Variants in PID1 observed in about 807,000 individuals in gnomAD.
PID1 encodes the protein PTB-containing, cubilin and LRP1-interacting protein.
Under a neutral mutation model 19.1 loss-of-function variants are expected in PID1, and 10 were observed. The observed-to-expected ratio is 0.52, with a 90% CI of 0.32 to 0.89. PID1 has a LOEUF of 0.89. Ranked by LOEUF, PID1 falls within the 40% of genes least tolerant of loss-of-function variation. The pLI, the probability that PID1 is intolerant of heterozygous loss-of-function variation, is 0.03. For synonymous variants in PID1, 130 were observed against 116.0 expected (o/e 1.12, Z -0.78); for missense variants, 248 against 285.3 (o/e 0.87, Z 0.94).
chr2:229,075,510 T>C (rs1694540460), intron 2 of PID1, among the ~76,000 whole-genome samples: 1 of 152,282 alleles, frequency 6.6e-6, no homozygotes, highest in East Asian at 1.9e-4. Context: ...ACTTTATATG[T>C]TTGGATTTTA....
chr2:229,114,974 T>C (rs895544620), intron 2 of PID1, among the ~76,000 whole-genome samples: 1 of 152,182 alleles, frequency 6.6e-6, no homozygotes, highest in Non-Finnish European at 1.5e-5. Flanking sequence ...TTTTCACATG[T>C]TATTACTGAA....
chr2:229,164,721 T>C (rs2106204093), intron 1 of PID1, among the ~76,000 whole-genome samples: 1 of 151,994 alleles, frequency 6.6e-6, no homozygotes, highest in African/African-American at 2.4e-5. Flanking sequence ...GTGAAACAAA[T>C]GAGGTAAGAT....
Position 229,026,021 on chromosome 2 carries a change from G to A in PID1, c.265C>T (p.His89Tyr), listed in dbSNP as rs774039165. Residue 89 changes from histidine (H) to tyrosine (Y), a missense_variant, in exon 3 of 3, where the codon CAC (histidine) becomes TAC (tyrosine). Coordinates refer to ENST00000392055, the MANE Select transcript of PID1 (RefSeq NM_001100818.2). ...AAGACATCCTCTCGGGCTAGCGTGT[G>A]CTTCTTCCAGAGCTCAATGACTGGC... ...EKPVIELWKK[H>Y]TLAREDVFPA... 2 of 1,614,210 alleles carry A rather than the reference G, an allele frequency of 1.2e-6. No individual in the cohort carries two copies. The highest frequency in any genetic ancestry group is 1.7e-6 in the Non-Finnish European group (2 of 1,180,032).
At chr2:229,086,762 C>T (rs1694775207) in intron 2 of PID1, among the ~76,000 whole-genome samples, 1 of 152,134 alleles carries the variant, frequency 6.6e-6, no homozygotes, top group South Asian at 2.1e-4. Flanking sequence ...AAGACAGAGA[C>T]AGCGATTTAT....
chr2:229,113,343 C>T (rs1695335999), intron 2 of PID1, among the ~76,000 whole-genome samples: 1 of 149,270 alleles, frequency 6.7e-6, no homozygotes, highest in Non-Finnish European at 1.5e-5. Context: ...GCCTAGGTGA[C>T]CTTAGGCAAA....
chr2:229,107,446 T>C (rs1574633810), intron 2 of PID1, among the ~76,000 whole-genome samples: 1 of 147,978 alleles, frequency 6.8e-6, no homozygotes, highest in East Asian at 2.0e-4. Flanking sequence ...CTCCTCTCAG[T>C]AGAATTTTCT....
chr2:229,084,261 T>C (rs1371323730), intron 2 of PID1, among the ~76,000 whole-genome samples: 1 of 152,180 alleles, frequency 6.6e-6, no homozygotes, highest in Non-Finnish European at 1.5e-5. Flanking sequence ...GTCTTCTTGC[T>C]ATTGGCCACC....
At chr2:229,035,506 ATGTGTGTGTG>A (rs3083806) in intron 2 of PID1, among the ~76,000 whole-genome samples, 21,202 of 148,114 alleles carry the variant, frequency 0.14, 1,852 homozygotes, top group African/African-American at 0.24. Flanking sequence ...AATCATTTAT[ATGTGTGTGTG>A]TGTGTGTGTG....
At chr2:229,266,769 C>G (rs917629462) in intron 1 of PID1, among the ~76,000 whole-genome samples, 3 of 152,178 alleles carry the variant, frequency 2.0e-5, no homozygotes, top group Admixed American at 1.3e-4. Flanking sequence ...TGCAAATGAG[C>G]CAGATAGTTA....
chr2:229,226,096 T>C (rs1692071859), intron 1 of PID1, among the ~76,000 whole-genome samples: 2 of 152,234 alleles, frequency 1.3e-5, no homozygotes, highest in Admixed American at 6.5e-5. Flanking sequence ...TAGTCTCCTC[T>C]TAAAGTCACT....
intron 2 of PID1, among the ~76,000 whole-genome samples, chr2:229,030,344 T>C (rs964619092): frequency 3.5e-4 from 53 of 152,314 alleles, no homozygotes; most frequent in African/African-American, 1.2e-3. Flanking sequence ...TTGGTGGTGA[T>C]AGTTGTGTAC....
chr2:229,222,285 G>A (rs1350264990), intron 1 of PID1, among the ~76,000 whole-genome samples: 2 of 152,010 alleles, frequency 1.3e-5, no homozygotes, highest in Non-Finnish European at 2.9e-5. Context: ...GGGTCTACAT[G>A]AGCCATAACC....
intron 1 of PID1, among the ~76,000 whole-genome samples, chr2:229,245,670 G>T (rs528313289): frequency 6.6e-6 from 1 of 152,232 alleles, no homozygotes; most frequent in East Asian, 1.9e-4. Flanking sequence ...TATAGTTTAT[G>T]AAACATTTTT....
intron 1 of PID1, among the ~76,000 whole-genome samples, chr2:229,249,768 C>T (rs976565072): frequency 6.6e-6 from 1 of 151,774 alleles, no homozygotes. Context: ...AGTATGATCC[C>T]CCAGGCAGGG....
intron 1 of PID1, among the ~76,000 whole-genome samples, chr2:229,210,336 C>A (rs1691700973): frequency 6.6e-6 from 1 of 151,326 alleles, no homozygotes; most frequent in Non-Finnish European, 1.5e-5. Flanking sequence ...CACAGTGAAA[C>A]CCCGTCTCTA....
chr2:229,058,034 T>C (rs763946252), intron 2 of PID1, among the ~76,000 whole-genome samples: 3 of 152,200 alleles, frequency 2.0e-5, no homozygotes, highest in Non-Finnish European at 4.4e-5. Context: ...TCAATTGTGC[T>C]ATGGTGAATG....
intron 1 of PID1, among the ~76,000 whole-genome samples, chr2:229,220,742 T>C (rs534095071): frequency 5.9e-5 from 9 of 152,308 alleles, no homozygotes; most frequent in African/African-American, 2.2e-4. Context: ...CAAATTAATG[T>C]TGTTACAGGT....
At chr2:229,174,471 T>A (rs1690773217) in intron 1 of PID1, among the ~76,000 whole-genome samples, 1 of 152,132 alleles carries the variant, frequency 6.6e-6, no homozygotes, top group South Asian at 2.1e-4. Flanking sequence ...ACTGCTGGGA[T>A]TGGGCTGGGA....
At chr2:229,213,725 T>A (rs1306262887) in intron 1 of PID1, among the ~76,000 whole-genome samples, 1 of 152,206 alleles carries the variant, frequency 6.6e-6, no homozygotes, top group Non-Finnish European at 1.5e-5. Flanking sequence ...TTCAGCACAA[T>A]AGATATGTGA....
Sources: allele counts gnomAD v4.1 joint callset (sites outside exome capture counted in the v4.1 genomes callset), GRCh38; gene constraint gnomAD v4.1.1; transcripts MANE v1.5; gene names NCBI Gene and HGNC (gene_info 2026-07-23, HGNC 2026-07-21).